CLEC4A: variants seen among roughly 807,000 people sequenced by gnomAD.
CLEC4A encodes C-type (calcium dependent, carbohydrate-recognition domain) lectin, superfamily member 6.
In CLEC4A, 27 loss-of-function variants were observed where a neutral mutation model predicts 32.7. The observed-to-expected ratio is 0.83, with a 90% CI of 0.61 to 1.14. The LOEUF (loss-of-function observed/expected upper bound fraction) is 1.14, where lower values mean the gene tolerates loss of function less well. Among genes scored for constraint, CLEC4A ranks in the 50% most tolerant of loss-of-function variants. CLEC4A has a pLI of 0.00. For synonymous variants in CLEC4A, 89 were observed against 93.7 expected, an observed-to-expected ratio of 0.95 and a Z score of 0.29; for missense variants, 253 against 274.6, an observed-to-expected ratio of 0.92 and a Z score of 0.55.
Position 8,123,960 on chromosome 12 carries a change from G to A in CLEC4A, c.82G>A (p.Ala28Thr). Residue 28 changes from alanine (A) to threonine (T), a missense_variant and splice_region_variant, in exon 1 of 6, where the codon GCT (alanine) becomes ACT (threonine). By Grantham distance (58) the Ala-to-Thr change is moderately conservative. Coordinates refer to ENST00000229332, the MANE Select transcript of CLEC4A (RefSeq NM_016184.4). ...SSGINTASSA[A>T]SKERTAPHKS... ...AGGCATCAACACAGCCTCTTCTGCA[G>A]GTAAAGATCATTTTCTAGGGGTCAG... 3 of 1,596,902 alleles carry A rather than the reference G, an allele frequency of 1.9e-6. No individual in the cohort carries two copies. The highest frequency in any genetic ancestry group is 2.6e-6 in the Non-Finnish European group (3 of 1,164,332).
chr12:8,106,313 A>C, the CLEC4A span, among the ~76,000 whole-genome samples: 1 of 152,206 alleles, frequency 6.6e-6, no homozygotes, highest in Admixed American at 6.5e-5. Context: ...GTTTGAAGTC[A>C]GGCGACACAA....
chr12:8,138,412 C>A lies in CLEC4A; in HGVS notation c.*125C>A. The stretch of plus-strand genomic sequence containing the variant: ...TTTAGGTGGTCTGTCAACTATTCTA[C>A]TTATGAGAGAATTGGTCTGTACATT... On this transcript the variant is annotated 3_prime_UTR_variant, in exon 6 of 6. Coordinates refer to ENST00000229332, the MANE Select transcript of CLEC4A (RefSeq NM_016184.4). 8.8e-7 allele frequency: 1 copy of A among 1,139,116 alleles called. No individual in the cohort carries two copies. The highest frequency in any genetic ancestry group is 1.3e-6 in the Non-Finnish European group (1 of 792,966). The allele number at this position is 1,139,116 out of a possible 1,614,324, so 70.6% of individuals were successfully genotyped here. A position where few individuals can be genotyped will look rare whatever the true frequency, so the allele number is the denominator to read the frequency against.
chr12:8,107,384 C>T, the CLEC4A span, among the ~76,000 whole-genome samples: 1 of 152,158 alleles, frequency 6.6e-6, no homozygotes, highest in Admixed American at 6.5e-5. Flanking sequence ...ATACTGGCTT[C>T]AGAGAATCAG....
chr12:8,135,100 G>C (rs1374500425), intron 3 of CLEC4A, among the ~76,000 whole-genome samples: 5 of 89,432 alleles, frequency 5.6e-5, no homozygotes, highest in Non-Finnish European at 8.2e-5. Flanking sequence ...TGCCCAGGCT[G>C]GTCTTGAACT....
At chr12:8,104,314 T>C in the CLEC4A span, among the ~76,000 whole-genome samples, 1 of 152,254 alleles carries the variant, frequency 6.6e-6, no homozygotes, top group African/African-American at 2.4e-5. Flanking sequence ...TCCATTTTCC[T>C]TTTTTCATTC....
At chr12:8,126,254 G>C (rs1290499673) in intron 2 of CLEC4A, among the ~76,000 whole-genome samples, 3 of 152,084 alleles carry the variant, frequency 2.0e-5, no homozygotes, top group Admixed American at 6.6e-5. Context: ...ACCCAGGCTG[G>C]AGTGCATTGG....
At chr12:8,133,841 G>A (rs1244520328) in intron 3 of CLEC4A, 12 of 1,584,786 alleles carry the variant, frequency 7.6e-6, no homozygotes, top group Non-Finnish European at 9.4e-6. Context: ...CTCAGGGAAA[G>A]GGACCGAGGA....
At position 8,138,309 on chromosome 12, in the gene CLEC4A, G is replaced by C. The variant is rs780011151; in HGVS notation, c.*22G>C. 1 of 1,613,684 alleles carries C rather than the reference G, an allele frequency of 6.2e-7. No individual in the cohort carries two copies. Among genetic ancestry groups the C allele is most frequent in the Non-Finnish European group, 8.5e-7 (1 of 1,179,700 alleles). On this transcript the variant is annotated 3_prime_UTR_variant, in exon 6 of 6. Transcript: ENST00000229332. ...ATGAACTGAACATTCTCCATGAACA[G>C]GTGGTTGGATTGGTATCTGTCATTG...
At chr12:8,114,295 A>T in the CLEC4A span, among the ~76,000 whole-genome samples, 2,011 of 151,898 alleles carry the variant, frequency 0.013, 20 homozygotes, top group Middle Eastern at 0.037. Context: ...CCCAGGCTGG[A>T]GTGCAGTGGC....
the CLEC4A span, among the ~76,000 whole-genome samples, chr12:8,114,545 A>G: frequency 2.0e-5 from 3 of 152,128 alleles, no homozygotes; most frequent in East Asian, 5.8e-4. Context: ...CGCCCGGCCA[A>G]TTCCTTTATT....
At chr12:8,137,759 T>C (rs1948148870) in intron 5 of CLEC4A, among the ~76,000 whole-genome samples, 1 of 151,808 alleles carries the variant, frequency 6.6e-6, no homozygotes, top group Non-Finnish European at 1.5e-5. Flanking sequence ...TTAAAAACAG[T>C]GCATTAAAAA....
chr12:8,128,409 T>G (rs1947936528), intron 2 of CLEC4A, among the ~76,000 whole-genome samples: 1 of 88,542 alleles, frequency 1.1e-5, no homozygotes, highest in Admixed American at 1.8e-4. Flanking sequence ...AAAAGTTCAA[T>G]TTCTTTTTTT....
intron 4 of CLEC4A, 44 bp from the exon 5 acceptor site, chr12:8,136,744 G>A: frequency 1.6e-6 from 2 of 1,212,606 alleles, no homozygotes; most frequent in Non-Finnish European, 2.4e-6. Flanking sequence ...TTCAGTTTAA[G>A]CTGAATACTG....
chr12:8,134,884 C>T, intron 3 of CLEC4A: 1 of 1,489,000 alleles, frequency 6.7e-7, no homozygotes, highest in Non-Finnish European at 8.9e-7. Flanking sequence ...ATGGTGAAAT[C>T]TTGGTTTTTC....
At chr12:8,122,735 T>G (rs1323695548), upstream of CLEC4A, among the ~76,000 whole-genome samples, 1 of 152,096 alleles carries the variant, frequency 6.6e-6, no homozygotes, top group Non-Finnish European at 1.5e-5. Flanking sequence ...TGGTGTTAGA[T>G]TGGAATTAGA....
chr12:8,131,247 A>G (rs1947990961), intron 3 of CLEC4A, among the ~76,000 whole-genome samples: 1 of 152,030 alleles, frequency 6.6e-6, no homozygotes, highest in Admixed American at 6.5e-5. Flanking sequence ...CTCCACTGTG[A>G]AGTTACTCTT....
upstream of CLEC4A, among the ~76,000 whole-genome samples, chr12:8,122,820 G>T (rs1947845674): frequency 6.6e-6 from 1 of 151,896 alleles, no homozygotes; most frequent in Admixed American, 6.6e-5. Context: ...GTGTGTGTTT[G>T]TGTGTGTGTG....
At chr12:8,130,642 C>T (rs146463892) in intron 3 of CLEC4A, among the ~76,000 whole-genome samples, 12 of 152,202 alleles carry the variant, frequency 7.9e-5, no homozygotes, top group South Asian at 2.1e-4. Context: ...TCAGCCTCCC[C>T]GTGCTGGGAT....
At chr12:8,106,682 G>C in the CLEC4A span, among the ~76,000 whole-genome samples, 2 of 152,018 alleles carry the variant, frequency 1.3e-5, no homozygotes, top group East Asian at 3.9e-4. Context: ...TTACATTTTT[G>C]ATTTGCCTCT....
Sources: allele counts gnomAD v4.1 joint callset (sites outside exome capture counted in the v4.1 genomes callset), GRCh38; gene constraint gnomAD v4.1.1; transcripts MANE v1.5; gene names NCBI Gene and HGNC (gene_info 2026-07-23, HGNC 2026-07-21).